Variants in SPAG5 observed in about 807,000 individuals in gnomAD.
SPAG5 encodes the protein sperm-associated antigen 5.
SPAG5 carries 99 observed loss-of-function variants against 145.4 expected under a neutral mutation model. The ratio of observed to expected loss-of-function variants is 0.68; its 90% confidence interval spans 0.58 to 0.80. The LOEUF (loss-of-function observed/expected upper bound fraction) is 0.80, where lower values mean the gene tolerates loss of function less well. Ranked by LOEUF, SPAG5 falls within the 30% of genes least tolerant of loss-of-function variation. SPAG5 has a pLI of 0.00. For missense variants in SPAG5, 1,192 were observed against 1,416.0 expected (o/e 0.84, Z 2.54); for synonymous variants, 477 against 525.4 (o/e 0.91, Z 1.26).
Position 28,584,717 on chromosome 17 carries a change from G to A in SPAG5, c.2096C>T (p.Ala699Val). The A allele has an allele frequency of 1.9e-6, 3 of 1,614,024 alleles. No homozygotes were observed. Among genetic ancestry groups the A allele is most frequent in the Non-Finnish European group, 2.5e-6 (3 of 1,179,912 alleles). Residue 699 changes from alanine (A) to valine (V), a missense_variant, in exon 11 of 24, where the codon GCC (alanine) becomes GTC (valine). Coordinates refer to ENST00000321765, the MANE Select transcript of SPAG5 (RefSeq NM_006461.4). ...TTGGCCTTTGCACTCCTCTAACTGG[G>A]CAGAGACTTGTTCCAGCACCCTAGA... is the stretch of plus-strand genomic sequence containing the variant. ...EVSRVLEQVSAQLEECKGQTE... is the reference protein window; with the variant it reads ...EVSRVLEQVSVQLEECKGQTE...
chr17:28,591,702 C>T lies in SPAG5; in HGVS notation c.1433G>A (p.Ser478Asn), dbSNP rs1175719290. Residue 478 changes from serine (S) to asparagine (N), a missense_variant, in exon 4 of 24, where the codon AGT becomes AAT. Physicochemically the swap from Ser to Asn is conservative, Grantham distance 46 (BLOSUM62 1). Coordinates refer to ENST00000321765, the MANE Select transcript of SPAG5 (RefSeq NM_006461.4). ...CTTTGAGAGGAACCTTCTTACCCCACTGTGAGATGTGTCAGTCTGTGTGCT... is the reference window on the plus strand; with the variant it reads ...CTTTGAGAGGAACCTTCTTACCCCATTGTGAGATGTGTCAGTCTGTGTGCT... Reference protein sequence around the residue: ...DSSTQTDTSHSGITNKLQHLK... With the variant: ...DSSTQTDTSHNGITNKLQHLK... 1.9e-6 allele frequency: 3 copies of T among 1,605,910 alleles called. No homozygotes were observed. Among genetic ancestry groups the T allele is most frequent in the African/African-American group, 2.7e-5 (2 of 74,700 alleles).
rs768408125 is a variant in SPAG5 at position 28,598,899 on chromosome 17, C to A, written c.48G>T (p.Gln16His). ...CCGCCAGAGATCTCCCGCTTACCGT[C>A]TGGGGCGAAGGCGACAGGCTGAGGC... is the stretch of plus-strand genomic sequence containing the variant. Reference protein sequence around the residue: ...KLSLSLSPSPQTGKPSMRTPL... With the variant: ...KLSLSLSPSPHTGKPSMRTPL... The change falls in exon 1 of 24, where the codon CAG becomes CAT. Residue 16 changes from glutamine (Q) to histidine (H), a missense_variant. Gln to His is a conservative substitution (Grantham distance 24). Transcript: ENST00000321765. 6.2e-7 allele frequency: 1 copy of A among 1,614,142 alleles called. No homozygotes were observed. The highest frequency in any genetic ancestry group is 1.1e-5 in the South Asian group (1 of 91,086).
At chr17:28,591,899 G>A (rs1289363557) in intron 3 of SPAG5, 27 bp from the exon 4 acceptor site, 13 of 1,610,972 alleles carry the variant, frequency 8.1e-6, no homozygotes, top group Non-Finnish European at 7.6e-6. Flanking sequence ...AGAACATGAC[G>A]AAAAGAAAAG....
At chr17:28,583,298 T>A (rs1411572014) in intron 15 of SPAG5, among the ~76,000 whole-genome samples, 1 of 152,114 alleles carries the variant, frequency 6.6e-6, no homozygotes, top group Non-Finnish European at 1.5e-5. Flanking sequence ...TGGGGACATG[T>A]GTGTAGCATA....
Position 28,585,300 on chromosome 17 carries a change from G to C in SPAG5, c.1953+19C>G. ...TTGATGTGAGTAAGGAATTAGTTATGATGGTCCCAAATACTCACATCCAGT... is the reference window on the plus strand; with the variant it reads ...TTGATGTGAGTAAGGAATTAGTTATCATGGTCCCAAATACTCACATCCAGT... On this transcript the variant is annotated intron_variant, in intron 9 of 23. Coordinates refer to ENST00000321765, the MANE Select transcript of SPAG5 (RefSeq NM_006461.4). 4 of 1,611,844 alleles carry C rather than the reference G, an allele frequency of 2.5e-6. No individual in the cohort carries two copies. Among genetic ancestry groups the C allele is most frequent in the Non-Finnish European group, 3.4e-6 (4 of 1,177,850 alleles).
chr17:28,589,448 C>T (rs768508342), intron 4 of SPAG5, among the ~76,000 whole-genome samples: 3 of 151,916 alleles, frequency 2.0e-5, no homozygotes, highest in Non-Finnish European at 4.4e-5. Context: ...GGCATAAATA[C>T]TACATACACC....
intron 16 of SPAG5, 54 bp downstream of exon 16, chr17:28,579,955 G>T (rs2070539605): frequency 3.9e-6 from 6 of 1,531,386 alleles, no homozygotes; most frequent in Non-Finnish European, 5.4e-6. Flanking sequence ...AACAGCAGAA[G>T]ATATCAGGAG....
chr17:28,581,945 C>T (rs917293188), intron 15 of SPAG5, among the ~76,000 whole-genome samples: 2 of 152,184 alleles, frequency 1.3e-5, no homozygotes, highest in Admixed American at 1.3e-4. Context: ...CCCGCTGGGC[C>T]CTCTTTCCTA....
intron 23 of SPAG5, 24 bp downstream of exon 23, chr17:28,577,986 A>G (rs1567621983): frequency 4.4e-6 from 7 of 1,590,408 alleles, no homozygotes; most frequent in Middle Eastern, 1.7e-4. Flanking sequence ...TTCATTAGTG[A>G]TATCACCTCC....
At chr17:28,598,658 G>A (rs761597894) in intron 1 of SPAG5, 23 bp from the exon 2 acceptor site, 19 of 1,576,632 alleles carry the variant, frequency 1.2e-5, no homozygotes, top group Non-Finnish European at 1.6e-5. Context: ...CCAAGAAAGA[G>A]GGCGAGTGTG....
At chr17:28,598,452 C>G (rs1567628189) in intron 2 of SPAG5, 58 bp downstream of exon 2, 1 of 1,582,518 alleles carries the variant, frequency 6.3e-7, no homozygotes, top group Non-Finnish European at 8.6e-7. Context: ...CCTCTGTTCC[C>G]CTGAGCTCTC....
chr17:28,592,333 A>G lies in SPAG5; in HGVS notation c.911T>C (p.Leu304Pro). 1.2e-6 allele frequency: 2 copies of G among 1,614,166 alleles called. No homozygotes were observed. The highest frequency in any genetic ancestry group is 1.1e-5 in the South Asian group (1 of 91,082). The change falls in exon 3 of 24, where the codon CTG becomes CCG. Residue 304 changes from leucine (L) to proline (P), a missense_variant. This residue lies in a region of SPAG5 where 21 missense variants were observed against 48.6 expected (regional missense o/e 0.43). Transcript: ENST00000321765. ...QALVSSVEDI[L>P]STCLTPNLVE... is the part of the protein sequence containing the mutation. The stretch of plus-strand genomic sequence containing the variant: ...TAGATTTGGTGTCAGGCATGTGGAC[A>G]GAATATCTTCCACACTTGAGACAAG...
chr17:28,598,838 C>G (rs909178363), intron 1 of SPAG5, 58 bp downstream of exon 1: 7 of 1,590,898 alleles, frequency 4.4e-6, no homozygotes, highest in Non-Finnish European at 6.0e-6. Context: ...TAGACACGGC[C>G]GGTGCCCCCG....
intron 19 of SPAG5, 136 bp downstream of exon 19, chr17:28,579,005 G>C (rs1189557830): frequency 2.7e-6 from 2 of 747,598 alleles, no homozygotes; most frequent in Admixed American, 2.8e-5. Flanking sequence ...TGAAATGTCT[G>C]ACCCCAGGAA....
At position 28,598,624 on chromosome 17, in the gene SPAG5, A is replaced by C; in HGVS notation, c.63T>G (p.Ser21=). 6.2e-7 allele frequency: 1 copy of C among 1,600,968 alleles called. No homozygotes were observed. The change falls in exon 2 of 24, where the codon TCT becomes TCG. Residue 21 remains serine, a synonymous_variant. Coordinates refer to ENST00000321765, the MANE Select transcript of SPAG5 (RefSeq NM_006461.4). Reference sequence around the variant, plus strand: ...TAAGTTCACGGAGAGGAGTTCTCATAGATGGTTTTCCCTGAGAAAGAAACC... The same window carrying C: ...TAAGTTCACGGAGAGGAGTTCTCATCGATGGTTTTCCCTGAGAAAGAAACC... ...LSPSPQTGKP[S]MRTPLRELTL...
chr17:28,585,901 C>T lies in SPAG5; in HGVS notation c.1703G>A (p.Arg568Lys). 1 of 1,614,246 alleles carries T rather than the reference C, an allele frequency of 6.2e-7. No homozygotes were observed. Among genetic ancestry groups the T allele is most frequent in the Non-Finnish European group, 8.5e-7 (1 of 1,180,046 alleles). ...QSLKAEREEA[R>K]HREEMALRGK... ...TCTGAGAGCCATTTCCTCTCTGTGC[C>T]TTGCCTCCTCCCTTTCTGCTTTGAG... The change falls in exon 7 of 24, where the codon AGG becomes AAG. Residue 568 changes from arginine (R) to lysine (K), a missense_variant. Arg to Lys is a conservative substitution (Grantham distance 26). Around this residue, in one of 5 missense-constraint regions of SPAG5, gnomAD observed 709 missense variants for 840.7 expected, o/e 0.84. Transcript: ENST00000321765.
intron 21 of SPAG5, 21 bp downstream of exon 21, chr17:28,578,352 C>T (rs763329654): frequency 1.9e-6 from 3 of 1,614,124 alleles, no homozygotes; most frequent in South Asian, 1.1e-5. Flanking sequence ...CTGTCCAGCT[C>T]CTCTGTTAAC....
chr17:28,579,743 C>T lies in SPAG5; in HGVS notation c.2884+8G>A, dbSNP rs1332814960. On this transcript the variant is annotated splice_region_variant and intron_variant, in intron 17 of 23. Coordinates refer to ENST00000321765, the MANE Select transcript of SPAG5 (RefSeq NM_006461.4). ...AAATGAGGCAGGATCCCTGGAGCCCCTCCTAACCTGCGGGCTGAAGGGAAA... is the reference window on the plus strand; with the variant it reads ...AAATGAGGCAGGATCCCTGGAGCCCTTCCTAACCTGCGGGCTGAAGGGAAA... 1 of 1,613,378 alleles carries T rather than the reference C, an allele frequency of 6.2e-7. No individual in the cohort carries two copies. The highest frequency in any genetic ancestry group is 1.7e-5 in the Admixed American group (1 of 60,028).
intron 4 of SPAG5, among the ~76,000 whole-genome samples, chr17:28,589,815 G>A (rs1219855257): frequency 6.6e-6 from 1 of 152,156 alleles, no homozygotes; most frequent in Non-Finnish European, 1.5e-5. Context: ...AGGAGGCTGA[G>A]GTGGGAGGAT....
Sources: allele counts gnomAD v4.1 joint callset (sites outside exome capture counted in the v4.1 genomes callset), GRCh38; gene constraint gnomAD v4.1.1; regional missense constraint gnomAD v4.1.1; transcripts MANE v1.5; gene names NCBI Gene and HGNC (gene_info 2026-07-23, HGNC 2026-07-21).